GASK1A: variants seen among roughly 807,000 people sequenced by gnomAD.
GASK1A encodes golgi associated kinase 1A, also known as Golgi-associated kinase 1A.
A neutral mutation model predicts 41.2 loss-of-function variants in GASK1A; 40 were observed. That is an observed-to-expected ratio of 0.97 (90% CI 0.75 to 1.27). The LOEUF is 1.27. GASK1A is among the 50% of genes most tolerant of loss of function. GASK1A has a pLI of 0.00. For synonymous variants in GASK1A, 316 were observed against 307.1 expected, an observed-to-expected ratio of 1.03 and a Z score of -0.30; for missense variants, 678 against 745.1, an observed-to-expected ratio of 0.91 and a Z score of 1.05.
intron 1 of GASK1A, among the ~76,000 whole-genome samples, chr3:42,987,558 A>G (rs975672378): frequency 4.6e-5 from 7 of 151,772 alleles, no homozygotes; most frequent in Admixed American, 2.6e-4. Context: ...TATAGAAGTA[A>G]CTTAACAATG....
At chr3:42,982,306 T>C (rs2089286343) in intron 1 of GASK1A, among the ~76,000 whole-genome samples, 1 of 152,198 alleles carries the variant, frequency 6.6e-6, no homozygotes, top group South Asian at 2.1e-4. Context: ...AGAAAAATAT[T>C]GATAGAGAAA....
intron 1 of GASK1A, 145 bp downstream of exon 1, chr3:42,979,790 C>T (rs1444940614): frequency 1.7e-5 from 14 of 821,762 alleles, no homozygotes; most frequent in Non-Finnish European, 2.3e-5. Flanking sequence ...TTGCATGGGG[C>T]GGCGGCGGCT....
rs61439618 is a variant in GASK1A at position 43,026,979 on chromosome 3, A to G, written c.4-5288A>G. Among the ~76,000 whole-genome samples, 1,141 of 152,334 alleles carry G rather than the reference A, an allele frequency of 7.5e-3. 23 individuals carry two copies. Among genetic ancestry groups the G allele is most frequent in the African/African-American group, 0.023 (975 of 41,580 alleles). ...TGATAGATCTTAGGAATGTTACTGG[A>G]TGTTAAAGAAAAAGAAAGAATTCTT... On this transcript the variant is annotated intron_variant, in intron 1 of 4. Coordinates refer to ENST00000430121, the MANE Select transcript of GASK1A (RefSeq NM_001129908.3).
chr3:43,013,432 G>GT (rs2089474270), intron 1 of GASK1A, among the ~76,000 whole-genome samples: 2 of 151,640 alleles, frequency 1.3e-5, no homozygotes, highest in African/African-American at 4.9e-5. Context: ...GGAATGGGCA[G>GT]TAGGAAGTTA....
intron 2 of GASK1A, among the ~76,000 whole-genome samples, chr3:43,040,879 C>CCG (rs931427698): frequency 2.0e-4 from 24 of 121,346 alleles, no homozygotes; most frequent in Non-Finnish European, 3.8e-4. Flanking sequence ...CTATCCCTCC[C>CCG]CCCCGCCACA....
At position 42,997,977 on chromosome 3, in the gene GASK1A, C is replaced by T. The variant is rs1173436741; in HGVS notation, c.3+18332C>T. On this transcript the variant is annotated intron_variant, in intron 1 of 4. Coordinates refer to ENST00000430121, the MANE Select transcript of GASK1A (RefSeq NM_001129908.3). ...ACATGTCACTCCTAGGAGTTGTCCT[C>T]CCCTACAGGTAAAGAGGATGGAGTC... Among the ~76,000 whole-genome samples, 3 of 152,272 alleles carry T rather than the reference C, an allele frequency of 2.0e-5. No homozygotes were observed. In the East Asian group the frequency reaches 5.8e-4, roughly 29 times the overall value.
chr3:43,041,097 G>A (rs1027135628), intron 2 of GASK1A, among the ~76,000 whole-genome samples: 24 of 149,974 alleles, frequency 1.6e-4, no homozygotes, highest in African/African-American at 5.8e-4. Context: ...GTGTATATAT[G>A]CCACATTTTC....
At chr3:42,998,419 T>G (rs2089388411) in intron 1 of GASK1A, among the ~76,000 whole-genome samples, 1 of 152,218 alleles carries the variant, frequency 6.6e-6, no homozygotes, top group African/African-American at 2.4e-5. Flanking sequence ...CAGTTTGCCC[T>G]TTGCTGTAGC....
intron 1 of GASK1A, among the ~76,000 whole-genome samples, chr3:43,021,412 G>A (rs1318519497): frequency 6.6e-6 from 1 of 152,132 alleles, no homozygotes; most frequent in Non-Finnish European, 1.5e-5. Context: ...GACGCTTGTG[G>A]TTTTACAATG....
chr3:42,999,152 A>G (rs1370252129), intron 1 of GASK1A, among the ~76,000 whole-genome samples: 1 of 151,922 alleles, frequency 6.6e-6, no homozygotes, highest in East Asian at 1.9e-4. Flanking sequence ...CAGTGTGACA[A>G]TCTGATTGAA....
In GASK1A at chr3:43,032,530, GGTCT is replaced by G; in HGVS notation, c.270_273del (p.Cys91LeufsTer27). On this transcript the variant is annotated frameshift_variant, in exon 2 of 5. Coordinates refer to ENST00000430121, the MANE Select transcript of GASK1A (RefSeq NM_001129908.3). LOFTEE classifies it high-confidence loss of function. ...GTGCTTTGCCCAGGAACTCCATCTT[GGTCT>G]GTGCTGAGGAGCAAGGCCATAGAGC... 2 of 1,549,604 alleles carry G rather than the reference GGTCT, an allele frequency of 1.3e-6. No homozygotes were observed. Among genetic ancestry groups the G allele is most frequent in the Non-Finnish European group, 1.7e-6 (2 of 1,145,222 alleles).
At chr3:42,983,412 T>C (rs188942859) in intron 1 of GASK1A, among the ~76,000 whole-genome samples, 332 of 152,204 alleles carry the variant, frequency 2.2e-3, no homozygotes, top group African/African-American at 7.6e-3. Flanking sequence ...TCTGGGACTC[T>C]TCTCTAAGTA....
intron 1 of GASK1A, among the ~76,000 whole-genome samples, chr3:43,011,882 T>G: frequency 6.8e-6 from 1 of 147,392 alleles, no homozygotes; most frequent in Non-Finnish European, 1.5e-5. Context: ...AGGGGCTGTG[T>G]GAAGTCATAG....
chr3:43,038,433 T>C (rs2125688549), intron 2 of GASK1A, among the ~76,000 whole-genome samples: 1 of 152,368 alleles, frequency 6.6e-6, no homozygotes, highest in East Asian at 1.9e-4. Context: ...GTATGATTAT[T>C]GACCTCTGTT....
At chr3:42,985,214 G>A (rs927623621) in intron 1 of GASK1A, among the ~76,000 whole-genome samples, 3 of 152,090 alleles carry the variant, frequency 2.0e-5, no homozygotes, top group South Asian at 2.1e-4. Flanking sequence ...GGGGGTACTC[G>A]GTTATAGGGG....
intron 1 of GASK1A, among the ~76,000 whole-genome samples, chr3:43,004,849 A>G (rs1202007680): frequency 6.6e-6 from 1 of 152,222 alleles, no homozygotes; most frequent in African/African-American, 2.4e-5. Flanking sequence ...AACGACACGA[A>G]TTAATTTTCT....
At chr3:42,993,988 A>C (rs2089356035) in intron 1 of GASK1A, among the ~76,000 whole-genome samples, 1 of 152,218 alleles carries the variant, frequency 6.6e-6, no homozygotes, top group African/African-American at 2.4e-5. Context: ...CCATAAATAA[A>C]GGTTCAGTGA....
chr3:43,046,802 G>C (rs1177042856), intron 2 of GASK1A, among the ~76,000 whole-genome samples: 1 of 152,198 alleles, frequency 6.6e-6, no homozygotes, highest in African/African-American at 2.4e-5. Flanking sequence ...TGCAGTCTTA[G>C]GACTTGGTGC....
intron 1 of GASK1A, among the ~76,000 whole-genome samples, chr3:43,006,397 A>G (rs2089436192): frequency 6.6e-6 from 1 of 152,218 alleles, no homozygotes; most frequent in Non-Finnish European, 1.5e-5. Flanking sequence ...GGGGTAAACC[A>G]TGTTGAAATG....
Sources: gnomAD v4.1 joint callset for allele counts (sites outside exome capture counted in the v4.1 genomes callset) on GRCh38, gnomAD v4.1.1 for gene constraint, MANE v1.5 for transcripts, NCBI Gene and HGNC (gene_info 2026-07-23, HGNC 2026-07-21) for gene names.